ZNF738: variants seen among roughly 807,000 people sequenced by gnomAD.
ZNF738 encodes the protein zinc finger protein 738.
Under a neutral mutation model 9.2 loss-of-function variants are expected in ZNF738, and 10 were observed. The ratio of observed to expected loss-of-function variants is 1.09; its 90% CI spans 0.67 to 1.85. The LOEUF is 1.85. ZNF738 is among the 40% of genes most tolerant of loss of function. The pLI is 0.00. For missense variants in ZNF738, 346 were observed against 283.6 expected (o/e 1.22, Z -1.58); for synonymous variants, 113 against 94.5 (o/e 1.20, Z -1.14).
At position 21,385,482 on chromosome 19, in the gene ZNF738, AAAT is replaced by A. The variant is rs1237542289; in HGVS notation, c.*1811_*1813del. On this transcript the variant is annotated 3_prime_UTR_variant, in exon 5 of 5. Coordinates refer to ENST00000683779, the MANE Select transcript of ZNF738 (RefSeq NM_001355237.2). Reference sequence around the variant, plus strand: ...AAAAAAATAAATAAATAAATAAAAAAAATAAGAGAGTTCATACTAGAGAGAAAC... The same window carrying A: ...AAAAAAATAAATAAATAAATAAAAAAAAGAGAGTTCATACTAGAGAGAAAC... Among the ~76,000 whole-genome samples, 5 of 150,788 alleles carry A rather than the reference AAAT, an allele frequency of 3.3e-5. No individual in the cohort carries two copies. Among genetic ancestry groups the A allele is most frequent in the Non-Finnish European group, 7.4e-5 (5 of 67,716 alleles).
In ZNF738 at chr19:21,385,322, G is replaced by A. The variant is rs1974054090; in HGVS notation, c.*1648G>A. The stretch of plus-strand genomic sequence containing the variant: ...ATATAAAAAATTAGCCAGGTGTAGT[G>A]GTGCACACCTGTAGTCCCAGCTACT... On this transcript the variant is annotated 3_prime_UTR_variant, in exon 5 of 5. Transcript: ENST00000683779. Among the ~76,000 whole-genome samples the A allele has an allele frequency of 6.6e-6, 1 of 152,110 alleles. No individual in the cohort carries two copies. Among genetic ancestry groups the A allele is most frequent in the South Asian group, 2.1e-4 (1 of 4,828 alleles).
intron 4 of ZNF738, chr19:21,381,495 C>G: frequency 1.9e-6 from 2 of 1,056,300 alleles, no homozygotes; most frequent in Non-Finnish European, 2.9e-6. Flanking sequence ...TTACCTTTTT[C>G]TTTTTCTTTT....
chr19:21,381,583 T>A (rs1974005025), intron 4 of ZNF738: 1 of 597,938 alleles, frequency 1.7e-6, no homozygotes, highest in African/African-American at 1.9e-5. Flanking sequence ...AAGCTCCGTC[T>A]CCCGGGTTCA....
rs1474417797 is a variant in ZNF738, at chr19:21,385,558, C to A, written c.*1884C>A. Among the ~76,000 whole-genome samples the A allele has an allele frequency of 6.6e-6, 1 of 152,120 alleles. No individual in the cohort carries two copies. Among genetic ancestry groups the A allele is most frequent in the African/African-American group, 2.4e-5 (1 of 41,432 alleles). On this transcript the variant is annotated 3_prime_UTR_variant, in exon 5 of 5. Coordinates refer to ENST00000683779, the MANE Select transcript of ZNF738 (RefSeq NM_001355237.2). ...GAAAGCTCTTAACCAGTCCTCACACCTTACTGCACATAAGAGAAATCATAC... is the reference window on the plus strand; with the variant it reads ...GAAAGCTCTTAACCAGTCCTCACACATTACTGCACATAAGAGAAATCATAC...
chr19:21,374,407 G>A (rs1973899166), intron 2 of ZNF738, among the ~76,000 whole-genome samples: 1 of 152,130 alleles, frequency 6.6e-6, no homozygotes, highest in African/African-American at 2.4e-5. Context: ...ACTTTTTGGG[G>A]GGCAATATCT....
chr19:21,381,408 T>G, intron 4 of ZNF738: 1 of 1,517,554 alleles, frequency 6.6e-7, no homozygotes, highest in South Asian at 1.1e-5. Context: ...CCTTTTGTCT[T>G]TGTATATTCT....
chr19:21,375,509 C>T (rs2914645), intron 3 of ZNF738, 145 bp downstream of exon 3: 481,106 of 508,004 alleles, frequency 0.95, 229,171 homozygotes, highest in Middle Eastern at 0.98. Context: ...ATTATCCATG[C>T]AGAAAAAAAT....
chr19:21,366,826 A>T (rs1973787598), intron 2 of ZNF738, among the ~76,000 whole-genome samples: 1 of 152,188 alleles, frequency 6.6e-6, no homozygotes, highest in Non-Finnish European at 1.5e-5. Flanking sequence ...GAGAATGACC[A>T]GAGGTCACTC....
intron 2 of ZNF738, among the ~76,000 whole-genome samples, chr19:21,373,804 G>A (rs1261997645): frequency 8.4e-6 from 1 of 118,784 alleles, no homozygotes; most frequent in East Asian, 2.4e-4. Context: ...AGCTAAACAT[G>A]TGTCAGATGA....
chr19:21,365,197 G>A (rs1343137343), intron 2 of ZNF738, among the ~76,000 whole-genome samples: 3 of 152,150 alleles, frequency 2.0e-5, no homozygotes, highest in Non-Finnish European at 4.4e-5. Flanking sequence ...AGGATGAGCA[G>A]AGGTCACACT....
chr19:21,368,531 G>T (rs1973816821), intron 2 of ZNF738, among the ~76,000 whole-genome samples: 1 of 151,896 alleles, frequency 6.6e-6, no homozygotes, highest in Non-Finnish European at 1.5e-5. Context: ...TGCTATCTCG[G>T]CTCACTGCAA....
intron 2 of ZNF738, among the ~76,000 whole-genome samples, chr19:21,370,147 T>G (rs1275466437): frequency 6.6e-6 from 1 of 152,218 alleles, no homozygotes; most frequent in Non-Finnish European, 1.5e-5. Flanking sequence ...TTGAAATGAC[T>G]TTGTGGTTTT....
chr19:21,381,782 C>T (rs572756378), intron 4 of ZNF738: 4 of 281,542 alleles, frequency 1.4e-5, no homozygotes, highest in South Asian at 5.5e-5. Context: ...CGTGAGCCAC[C>T]GCGCCTGGCC....
intron 2 of ZNF738, among the ~76,000 whole-genome samples, chr19:21,364,912 ATTTTTTTTTTTTT>A (rs71176864): frequency 1.0e-5 from 1 of 99,248 alleles, no homozygotes; most frequent in South Asian, 3.6e-4. Context: ...TACCCAGCTA[ATTTTTTTTTTTTT>A]TTTTTTTTTT....
In ZNF738 at chr19:21,381,031, GT is replaced by G. The variant is rs1973996285; in HGVS notation, c.320-1834del. 2.0e-5 allele frequency among the ~76,000 whole-genome samples: 3 copies of G among 152,284 alleles called. No individual in the cohort carries two copies. In the South Asian group the frequency reaches 6.2e-4, roughly 32 times the overall value. ...GGAGAGTGATGGCTTCTCATTTTCT[GT>G]CCCCTAATGAGAATACAAATATTTC... is the stretch of plus-strand genomic sequence containing the variant. On this transcript the variant is annotated intron_variant, in intron 4 of 4. Transcript: ENST00000683779.
chr19:21,378,651 C>A (rs761626824), intron 4 of ZNF738: 4 of 364,622 alleles, frequency 1.1e-5, no homozygotes, highest in Non-Finnish European at 2.3e-5. Context: ...TGTTGTTCCC[C>A]AGGCCGGAGT....
In ZNF738 at chr19:21,386,505, C is replaced by G. The variant is rs751762269; in HGVS notation, c.*2831C>G. The G allele has an allele frequency of 3.2e-5, 11 of 346,122 alleles. No homozygotes were observed. The highest frequency in any genetic ancestry group is 5.9e-5 in the Non-Finnish European group (10 of 168,246). The allele number at this position is 346,122 out of a possible 1,614,324, so 21.4% of individuals were successfully genotyped here. Reference sequence around the variant, plus strand: ...TTCATACTGGAGAGAAACCTCACAACTGTGAAGAATGTGGCAAAGCTTTTA... The same window carrying G: ...TTCATACTGGAGAGAAACCTCACAAGTGTGAAGAATGTGGCAAAGCTTTTA... On this transcript the variant is annotated 3_prime_UTR_variant, in exon 5 of 5. Coordinates refer to ENST00000683779, the MANE Select transcript of ZNF738 (RefSeq NM_001355237.2).
At chr19:21,371,023 CTGGTGTA>C (rs1973848997) in intron 2 of ZNF738, among the ~76,000 whole-genome samples, 1 of 152,120 alleles carries the variant, frequency 6.6e-6, no homozygotes, top group Admixed American at 6.6e-5. Flanking sequence ...TGAGAGGCTC[CTGGTGTA>C]AATAGAATCT....
intron 4 of ZNF738, chr19:21,377,512 G>GCACACACACA: frequency 1.8e-6 from 1 of 546,772 alleles, no homozygotes; most frequent in Non-Finnish European, 3.4e-6. Flanking sequence ...ACACAGACGT[G>GCACACACACA]CACACACACA....
Sources: gnomAD v4.1 joint callset for allele counts (sites outside exome capture counted in the v4.1 genomes callset) on GRCh38, gnomAD v4.1.1 for gene constraint, MANE v1.5 for transcripts, NCBI Gene and HGNC (gene_info 2026-07-23, HGNC 2026-07-21) for gene names.